The following TMTC2 variants were observed in gnomAD, a reference collection of about 807,000 sequenced individuals.
The protein encoded by TMTC2 is transmembrane O-mannosyltransferase targeting cadherins 2, also known as protein O-mannosyl-transferase TMTC2.
TMTC2 carries 43 observed loss-of-function variants against 82.4 expected under a neutral mutation model. The observed-to-expected ratio is 0.52, with a 90% CI of 0.41 to 0.67. TMTC2 has a LOEUF of 0.67. Among genes scored for constraint, TMTC2 ranks in the 30% least tolerant of loss-of-function variants. TMTC2 has a pLI of 0.00. For missense variants in TMTC2, 919 were observed against 1,012.4 expected (o/e 0.91, Z 1.25); for synonymous variants, 408 against 381.9 (o/e 1.07, Z -0.80).
intron 11 of TMTC2, among the ~76,000 whole-genome samples, chr12:83,065,231 G>T (rs1431231475): frequency 6.6e-6 from 1 of 151,712 alleles, no homozygotes; most frequent in Non-Finnish European, 1.5e-5. Context: ...TCTTCAATAT[G>T]TCCCATGATG....
chr12:82,906,398 C>T (rs1212242005), intron 3 of TMTC2, among the ~76,000 whole-genome samples: 2 of 152,160 alleles, frequency 1.3e-5, no homozygotes, highest in Non-Finnish European at 2.9e-5. Context: ...GACACGGTGG[C>T]TCAAGTCTGT....
intron 11 of TMTC2, among the ~76,000 whole-genome samples, chr12:83,089,474 A>G (rs961285150): frequency 6.6e-6 from 1 of 152,170 alleles, no homozygotes; most frequent in Admixed American, 6.6e-5. Context: ...ATGGTGTTTC[A>G]GGTGTTAACT....
At chr12:82,957,872 A>G (rs1376818453) in intron 4 of TMTC2, among the ~76,000 whole-genome samples, 3 of 152,194 alleles carry the variant, frequency 2.0e-5, no homozygotes, top group East Asian at 3.9e-4. Flanking sequence ...TAAAAAAAAG[A>G]AAAACACAAA....
At chr12:82,957,461 A>C (rs1191348760) in intron 4 of TMTC2, among the ~76,000 whole-genome samples, 1 of 152,126 alleles carries the variant, frequency 6.6e-6, no homozygotes, top group Non-Finnish European at 1.5e-5. Context: ...TCTAACATCA[A>C]ACCTAAACTA....
At chr12:83,033,449 T>G (rs1221852324) in intron 9 of TMTC2, among the ~76,000 whole-genome samples, 2 of 152,212 alleles carry the variant, frequency 1.3e-5, no homozygotes, top group African/African-American at 4.8e-5. Flanking sequence ...TCATGCTTTT[T>G]CTTCCATAAA....
intron 1 of TMTC2, among the ~76,000 whole-genome samples, chr12:82,736,823 T>C (rs1352813365): frequency 2.0e-5 from 3 of 152,198 alleles, no homozygotes; most frequent in African/African-American, 4.8e-5. Flanking sequence ...TGGAAGCTTC[T>C]AGTTAATCAG....
In TMTC2 at chr12:82,739,957, C is replaced by T. The variant is rs998945956; in HGVS notation, c.83+52288C>T. Among the ~76,000 whole-genome samples the T allele has an allele frequency of 4.6e-5, 7 of 151,930 alleles. No homozygotes were observed. In the South Asian group the frequency reaches 8.3e-4, roughly 18 times the overall value. On this transcript the variant is annotated intron_variant, in intron 1 of 11. Coordinates refer to ENST00000321196, the MANE Select transcript of TMTC2 (RefSeq NM_152588.3). ...TGATTGTTATAAAGATGAAATGGAA[C>T]ATGTATGGTAAATTGCTTTGCAAAC...
At chr12:83,100,125 G>C (rs886868864) in intron 11 of TMTC2, among the ~76,000 whole-genome samples, 27 of 151,876 alleles carry the variant, frequency 1.8e-4, no homozygotes, top group Non-Finnish European at 3.7e-4. Context: ...TCACCATGTT[G>C]GTCAGGCCGG....
chr12:83,007,894 T>A (rs1225413886), intron 8 of TMTC2, among the ~76,000 whole-genome samples: 1 of 152,158 alleles, frequency 6.6e-6, no homozygotes, highest in African/African-American at 2.4e-5. Context: ...TCACTGGATA[T>A]AAAATTCTAG....
intron 7 of TMTC2, among the ~76,000 whole-genome samples, chr12:82,971,120 T>C (rs1175351289): frequency 6.6e-6 from 1 of 152,112 alleles, no homozygotes; most frequent in Non-Finnish European, 1.5e-5. Flanking sequence ...AAAACCCTTA[T>C]AAAATAATCT....
intron 1 of TMTC2, among the ~76,000 whole-genome samples, chr12:82,838,811 G>A (rs1164382142): frequency 4.0e-5 from 6 of 150,078 alleles, no homozygotes; most frequent in Non-Finnish European, 7.4e-5. Flanking sequence ...AGATGAGTAG[G>A]ACGATGGCTT....
chr12:83,100,045 G>A (rs1027711403), intron 11 of TMTC2, among the ~76,000 whole-genome samples: 2 of 151,650 alleles, frequency 1.3e-5, no homozygotes, highest in Non-Finnish European at 2.9e-5. Flanking sequence ...TCAGCCTCCC[G>A]AGTAGCTGGG....
intron 8 of TMTC2, among the ~76,000 whole-genome samples, chr12:83,006,376 C>T (rs941123733): frequency 1.3e-5 from 2 of 152,136 alleles, no homozygotes; most frequent in Admixed American, 1.3e-4. Flanking sequence ...CCTCTTTTCC[C>T]TCCTCTTCTT....
At chr12:83,124,078 C>G (rs1259594358) in intron 11 of TMTC2, among the ~76,000 whole-genome samples, 1 of 152,142 alleles carries the variant, frequency 6.6e-6, no homozygotes, top group African/African-American at 2.4e-5. Flanking sequence ...GTTTCACCTC[C>G]CTCTTTCGGT....
intron 3 of TMTC2, among the ~76,000 whole-genome samples, chr12:82,897,401 A>G (rs1441710185): frequency 6.6e-6 from 1 of 152,236 alleles, no homozygotes; most frequent in Non-Finnish European, 1.5e-5. Flanking sequence ...ATGACAATGG[A>G]TGACTCTAGT....
At chr12:82,980,766 G>A (rs1049400573) in intron 7 of TMTC2, among the ~76,000 whole-genome samples, 5 of 151,914 alleles carry the variant, frequency 3.3e-5, no homozygotes, top group East Asian at 3.9e-4. Flanking sequence ...TGTCAGTCAC[G>A]TACGCATCAC....
chr12:82,943,275 GATGA>G (rs1876821598), intron 4 of TMTC2, among the ~76,000 whole-genome samples: 1 of 152,144 alleles, frequency 6.6e-6, no homozygotes, highest in Admixed American at 6.6e-5. Context: ...AGTAGTATTG[GATGA>G]ATAAATTTAT....
intron 8 of TMTC2, among the ~76,000 whole-genome samples, chr12:82,987,406 A>AGAGT (rs61131308): frequency 0.95 from 126,277 of 133,054 alleles, 59,998 homozygotes; most frequent in East Asian, 1. Flanking sequence ...CCTGGGCAAC[A>AGAGT]GAGACTCCAT....
chr12:83,047,300 A>T (rs189638083), intron 9 of TMTC2, among the ~76,000 whole-genome samples: 1 of 152,210 alleles, frequency 6.6e-6, no homozygotes, highest in East Asian at 1.9e-4. Context: ...ATAACATATC[A>T]CTTTAGGTTC....
Sources: gnomAD v4.1 joint callset for allele counts (sites outside exome capture counted in the v4.1 genomes callset) on GRCh38, gnomAD v4.1.1 for gene constraint, MANE v1.5 for transcripts, NCBI Gene and HGNC (gene_info 2026-07-23, HGNC 2026-07-21) for gene names.